PPP2R3A: variants seen among roughly 807,000 people sequenced by gnomAD.
The protein encoded by PPP2R3A is serine/threonine-protein phosphatase 2A regulatory subunit B'' subunit alpha.
A neutral mutation model predicts 106.9 loss-of-function variants in PPP2R3A; 80 were observed. That is an observed-to-expected ratio of 0.75 (90% CI 0.62 to 0.90). PPP2R3A has a LOEUF of 0.90. Among genes scored for constraint, PPP2R3A ranks in the 40% least tolerant of loss-of-function variants. PPP2R3A has a pLI of 0.00. For missense variants in PPP2R3A, 1,386 were observed against 1,350.4 expected (o/e 1.03, Z -0.41); for synonymous variants, 483 against 468.3 (o/e 1.03, Z -0.41).
At position 136,001,978 on chromosome 3, in the gene PPP2R3A, G is replaced by A. The variant is rs1559861418; in HGVS notation, c.480G>A (p.Leu160=). 7 of 1,614,140 alleles carry A rather than the reference G, an allele frequency of 4.3e-6. No individual in the cohort carries two copies. Among genetic ancestry groups the A allele is most frequent in the Non-Finnish European group, 5.9e-6 (7 of 1,180,018 alleles). The change falls in exon 2 of 14, where the codon TTG becomes TTA. Residue 160 remains leucine (L), a synonymous_variant. Coordinates refer to ENST00000264977, the MANE Select transcript of PPP2R3A (RefSeq NM_002718.5). ...ATAGGAGGTCAGTTGATTTGGACTT[G>A]CTTTGTGGCCATTATAACAACGATG... The part of the protein sequence containing the change: ...SFNRRSVDLD[L]LCGHYNNDGN...
chr3:136,104,267 A>G (rs1937456704), intron 12 of PPP2R3A, among the ~76,000 whole-genome samples: 2 of 151,630 alleles, frequency 1.3e-5, no homozygotes, highest in South Asian at 4.2e-4. Context: ...TGAATTTAAC[A>G]TGCTCCATAA....
chr3:136,109,630 C>T (rs1937565384), intron 13 of PPP2R3A, among the ~76,000 whole-genome samples: 1 of 152,132 alleles, frequency 6.6e-6, no homozygotes. Context: ...AGGCCACAAA[C>T]AACACTTCAG....
At chr3:136,118,435 T>C (rs1937864975) in intron 13 of PPP2R3A, among the ~76,000 whole-genome samples, 1 of 152,214 alleles carries the variant, frequency 6.6e-6, no homozygotes, top group Non-Finnish European at 1.5e-5. Context: ...GGAAGTCAAA[T>C]TGTCCCTGTT....
chr3:135,973,116 G>A lies in PPP2R3A; in HGVS notation c.-441+7267G>A, dbSNP rs116821913. On this transcript the variant is annotated intron_variant, in intron 1 of 13. Transcript: ENST00000264977. ...GTGGATTTTGAGTTAATTATTGTAT[G>A]TGAGGTAAGGATTCAACTTCATTCT... Among the ~76,000 whole-genome samples the A allele has an allele frequency of 5.8e-3, 882 of 152,284 alleles. 8 individuals are homozygous for A. Among genetic ancestry groups the A allele is most frequent in the African/African-American group, 0.021 (854 of 41,558 alleles).
At chr3:136,079,309 A>T (rs1936703673) in intron 7 of PPP2R3A, 2 of 313,612 alleles carry the variant, frequency 6.4e-6, no homozygotes, top group South Asian at 5.5e-5. Context: ...TTAAAATGGC[A>T]GTAATTCCAT....
chr3:135,978,045 A>T (rs1225120612), intron 1 of PPP2R3A, among the ~76,000 whole-genome samples: 1 of 152,112 alleles, frequency 6.6e-6, no homozygotes, highest in African/African-American at 2.4e-5. Context: ...AATATTTTTA[A>T]AACTGTATGA....
chr3:135,977,743 A>G (rs1342360618), intron 1 of PPP2R3A, among the ~76,000 whole-genome samples: 2 of 113,902 alleles, frequency 1.8e-5, no homozygotes, highest in Admixed American at 1.3e-4. Context: ...TGTGTTGCCC[A>G]GGCTGGAGTA....
At chr3:135,996,139 C>T (rs1273740827) in intron 1 of PPP2R3A, among the ~76,000 whole-genome samples, 7 of 152,034 alleles carry the variant, frequency 4.6e-5, no homozygotes, top group Non-Finnish European at 5.9e-5. Context: ...AGATGTATTT[C>T]CATTTAAGTG....
chr3:135,991,362 TAGAAA>T (rs1334179478), intron 1 of PPP2R3A, among the ~76,000 whole-genome samples: 1 of 148,324 alleles, frequency 6.7e-6, no homozygotes, highest in Non-Finnish European at 1.5e-5. Context: ...AAAAAATACT[TAGAAA>T]AGGAAATTGT....
chr3:135,984,619 C>A (rs557971310), intron 1 of PPP2R3A, among the ~76,000 whole-genome samples: 1 of 152,210 alleles, frequency 6.6e-6, no homozygotes, highest in African/African-American at 2.4e-5. Context: ...ATAAGGGGCT[C>A]TTCCTGCTTT....
Position 136,002,071 on chromosome 3 carries a change from C to T in PPP2R3A, c.573C>T (p.Asn191=), listed in dbSNP as rs1933647528. The T allele has an allele frequency of 1.9e-6, 3 of 1,614,068 alleles. 1 individual carries two copies. The highest frequency in any genetic ancestry group is 2.2e-5 in the East Asian group (1 of 44,876). ...AGGAAAAACCTTTGTCTCATAGAAA[C>T]TCACTGGATACGAACCTGACTTCCA... is the stretch of plus-strand genomic sequence containing the variant. ...SVEEKPLSHR[N]SLDTNLTSMF... is the part of the protein sequence containing the mutation. The change falls in exon 2 of 14, where the codon AAC becomes AAT. Residue 191 remains asparagine, a synonymous_variant. Transcript: ENST00000264977.
At chr3:136,031,057 A>T (rs1934870700) in intron 3 of PPP2R3A, among the ~76,000 whole-genome samples, 1 of 152,088 alleles carries the variant, frequency 6.6e-6, no homozygotes, top group South Asian at 2.1e-4. Flanking sequence ...TGTTTTCCAT[A>T]GTGGTTATAC....
chr3:136,066,523 A>T (rs1458972872), intron 5 of PPP2R3A, among the ~76,000 whole-genome samples: 1 of 152,224 alleles, frequency 6.6e-6, no homozygotes, highest in Non-Finnish European at 1.5e-5. Context: ...TAATTTATAA[A>T]GAGAAGAGGT....
intron 1 of PPP2R3A, among the ~76,000 whole-genome samples, chr3:135,993,901 A>G (rs754347899): frequency 3.9e-5 from 6 of 152,214 alleles, no homozygotes; most frequent in South Asian, 2.1e-4. Flanking sequence ...ACCTACAGTA[A>G]TAGAAATCAG....
chr3:135,977,842 G>T (rs1937461801), intron 1 of PPP2R3A, among the ~76,000 whole-genome samples: 4 of 151,756 alleles, frequency 2.6e-5, no homozygotes. Context: ...TGTGACTATA[G>T]GTGTGAGCCA....
At chr3:136,081,875 AC>A (rs1936791670) in intron 7 of PPP2R3A, among the ~76,000 whole-genome samples, 1 of 152,156 alleles carries the variant, frequency 6.6e-6, no homozygotes, top group Non-Finnish European at 1.5e-5. Flanking sequence ...GTTGATGCCT[AC>A]CCCTCTTAAT....
At chr3:136,135,100 G>T (rs1196384148) in intron 13 of PPP2R3A, among the ~76,000 whole-genome samples, 3 of 150,628 alleles carry the variant, frequency 2.0e-5, no homozygotes, top group African/African-American at 7.5e-5. Flanking sequence ...GCCAGTGGAA[G>T]GAAGAAAGAG....
chr3:136,082,050 T>G (rs1432386048), intron 7 of PPP2R3A, among the ~76,000 whole-genome samples: 1 of 152,164 alleles, frequency 6.6e-6, no homozygotes, highest in Non-Finnish European at 1.5e-5. Flanking sequence ...CTCCACAGCA[T>G]CCAGCCCTTC....
intron 13 of PPP2R3A, among the ~76,000 whole-genome samples, chr3:136,144,660 C>CAA (rs111855021): frequency 7.5e-6 from 1 of 133,240 alleles, no homozygotes; most frequent in African/African-American, 2.7e-5. Flanking sequence ...GGCTCCGTCT[C>CAA]AAAAAAAAAA....
Sources: gnomAD v4.1 joint callset for allele counts (sites outside exome capture counted in the v4.1 genomes callset) on GRCh38, gnomAD v4.1.1 for gene constraint, MANE v1.5 for transcripts, NCBI Gene and HGNC (gene_info 2026-07-23, HGNC 2026-07-21) for gene names.